Variants in LHFPL2 observed in about 807,000 individuals in gnomAD.
LHFPL2 encodes LHFPL tetraspan subfamily member 2 protein.
LHFPL2 carries 7 observed loss-of-function variants against 17.5 expected under a neutral mutation model. The observed-to-expected ratio is 0.40, with a 90% CI of 0.23 to 0.75. LHFPL2 has a LOEUF of 0.75. LHFPL2 is among the 30% of genes least tolerant of loss of function. The probability of loss-of-function intolerance (pLI) is 0.37; values close to 1 mark genes in which losing one functional copy is unlikely to be tolerated. For synonymous variants in LHFPL2, 134 were observed against 116.2 expected (o/e 1.15, Z -0.99); for missense variants, 241 against 294.8 (o/e 0.82, Z 1.34).
Position 78,510,013 on chromosome 5 carries a change from G to A in LHFPL2, c.201C>T (p.Cys67=). Residue 67 remains cysteine (C), a synonymous_variant, in exon 4 of 5, where the codon TGC becomes TGT. Coordinates refer to ENST00000380345, the MANE Select transcript of LHFPL2 (RefSeq NM_005779.3). ...YHPTLGIYAR[C]IRNPGVQHFQ... is the part of the protein sequence containing the mutation. Reference sequence around the variant, plus strand: ...AGTGCTGCACCCCTGGGTTCCGGATGCAGCGGGCGTAGATGCCCAGGGTGG... The same window carrying A: ...AGTGCTGCACCCCTGGGTTCCGGATACAGCGGGCGTAGATGCCCAGGGTGG... The A allele has an allele frequency of 6.2e-7, 1 of 1,612,796 alleles. No individual in the cohort carries two copies. The highest frequency in any genetic ancestry group is 8.5e-7 in the Non-Finnish European group (1 of 1,179,550).
intron 3 of LHFPL2, among the ~76,000 whole-genome samples, chr5:78,511,577 G>A (rs1755125699): frequency 6.6e-6 from 1 of 152,224 alleles, no homozygotes; most frequent in Non-Finnish European, 1.5e-5. Flanking sequence ...CATGAGAACT[G>A]CAAAGAGCCC....
intron 1 of LHFPL2, among the ~76,000 whole-genome samples, chr5:78,645,861 G>A (rs949210834): frequency 7.9e-5 from 12 of 152,184 alleles, no homozygotes; most frequent in Non-Finnish European, 7.3e-5. Context: ...GATTACAGGT[G>A]TGAGCCACTG....
At chr5:78,627,055 T>G (rs999615650) in intron 2 of LHFPL2, among the ~76,000 whole-genome samples, 2 of 151,748 alleles carry the variant, frequency 1.3e-5, no homozygotes, top group African/African-American at 4.9e-5. Context: ...CACTCCAGCC[T>G]GGGCAACGAG....
At chr5:78,606,365 T>C (rs1744212265) in intron 2 of LHFPL2, among the ~76,000 whole-genome samples, 1 of 152,206 alleles carries the variant, frequency 6.6e-6, no homozygotes, top group Non-Finnish European at 1.5e-5. Context: ...TCAGTGCTAT[T>C]TAATGTACAA....
intron 1 of LHFPL2, among the ~76,000 whole-genome samples, chr5:78,642,955 C>T (rs989617243): frequency 3.9e-4 from 59 of 152,292 alleles, no homozygotes; most frequent in African/African-American, 1.4e-3. Context: ...GTACTAGCCT[C>T]CCAGCTCACC....
In LHFPL2 at chr5:78,582,510, A is replaced by G. The variant is rs1347256621; in HGVS notation, c.-244-17639T>C. 5.7e-4 allele frequency among the ~76,000 whole-genome samples: 87 copies of G among 151,398 alleles called. No individual in the cohort carries two copies. In the Middle Eastern group the frequency reaches 0.01, roughly 18 times the overall value. ...GTCTTTGTTCTCGTTGGTTTCAAAG[A>G]ACATCTTTATTTGTGCCTTCATTTC... is the stretch of plus-strand genomic sequence containing the variant. On this transcript the variant is annotated intron_variant, in intron 2 of 4. Coordinates refer to ENST00000380345, the MANE Select transcript of LHFPL2 (RefSeq NM_005779.3).
At chr5:78,582,264 T>A (rs548269387) in intron 2 of LHFPL2, among the ~76,000 whole-genome samples, 1 of 151,922 alleles carries the variant, frequency 6.6e-6, no homozygotes, top group Non-Finnish European at 1.5e-5. Context: ...TTTTTGAAGG[T>A]TTTTTTGTGT....
At chr5:78,531,966 C>G (rs966903769) in intron 3 of LHFPL2, among the ~76,000 whole-genome samples, 3 of 151,628 alleles carry the variant, frequency 2.0e-5, no homozygotes, top group Non-Finnish European at 4.4e-5. Flanking sequence ...ACTCTGTCAC[C>G]CAGGCTGGAG....
At chr5:78,525,236 T>A (rs1755583339) in intron 3 of LHFPL2, among the ~76,000 whole-genome samples, 1 of 152,214 alleles carries the variant, frequency 6.6e-6, no homozygotes, top group Admixed American at 6.5e-5. Flanking sequence ...ATGCTGACTA[T>A]AGGACACACT....
At chr5:78,556,960 T>C (rs1200769560) in intron 3 of LHFPL2, among the ~76,000 whole-genome samples, 3 of 141,202 alleles carry the variant, frequency 2.1e-5, no homozygotes, top group African/African-American at 7.6e-5. Flanking sequence ...CTTCTGGCAA[T>C]CCTTTTTTTT....
chr5:78,528,270 G>A (rs888376189), intron 3 of LHFPL2, among the ~76,000 whole-genome samples: 1 of 152,138 alleles, frequency 6.6e-6, no homozygotes, highest in Non-Finnish European at 1.5e-5. Flanking sequence ...AACCAGTACC[G>A]GTCTGTGGCC....
At chr5:78,586,029 G>A (rs772723165) in intron 2 of LHFPL2, among the ~76,000 whole-genome samples, 1 of 152,190 alleles carries the variant, frequency 6.6e-6, no homozygotes, top group Non-Finnish European at 1.5e-5. Flanking sequence ...TAAAGGGCTT[G>A]AGGATGAGGA....
intron 3 of LHFPL2, among the ~76,000 whole-genome samples, chr5:78,553,128 TGAC>T (rs975771057): frequency 5.3e-5 from 8 of 152,268 alleles, no homozygotes; most frequent in Admixed American, 6.5e-5. Context: ...TTTCACAAGG[TGAC>T]CTCTCCTGCC....
intron 2 of LHFPL2, among the ~76,000 whole-genome samples, chr5:78,575,890 A>C (rs1430551719): frequency 6.6e-6 from 1 of 152,180 alleles, no homozygotes; most frequent in African/African-American, 2.4e-5. Flanking sequence ...TTCTAATTTA[A>C]ATTTGTAAAA....
chr5:78,497,114 A>G (rs1372491308), intron 4 of LHFPL2, among the ~76,000 whole-genome samples: 1 of 152,206 alleles, frequency 6.6e-6, no homozygotes, highest in African/African-American at 2.4e-5. Context: ...TGGGAGTTCA[A>G]TTCTTAGACA....
chr5:78,630,247 A>G (rs1180310835), intron 2 of LHFPL2, among the ~76,000 whole-genome samples: 5 of 152,166 alleles, frequency 3.3e-5, no homozygotes, highest in African/African-American at 4.8e-5. Flanking sequence ...ACTGCAGCTC[A>G]CTAGGAAGTG....
chr5:78,490,846 TAATC>T (rs988447493), intron 4 of LHFPL2, among the ~76,000 whole-genome samples: 24 of 151,882 alleles, frequency 1.6e-4, no homozygotes, highest in Admixed American at 1.1e-3. Flanking sequence ...TGCTGTATCA[TAATC>T]AAAGTTCCCA....
At chr5:78,538,372 G>A (rs1756011275) in intron 3 of LHFPL2, among the ~76,000 whole-genome samples, 1 of 152,114 alleles carries the variant, frequency 6.6e-6, no homozygotes, top group Non-Finnish European at 1.5e-5. Flanking sequence ...TTCAAAGATT[G>A]GAGAATAAAT....
intron 2 of LHFPL2, among the ~76,000 whole-genome samples, chr5:78,588,548 T>C (rs1743516908): frequency 6.6e-6 from 1 of 152,198 alleles, no homozygotes; most frequent in African/African-American, 2.4e-5. Flanking sequence ...TTTTTTTTAA[T>C]GAGAAACAAA....
Sources: gnomAD v4.1 joint callset for allele counts (sites outside exome capture counted in the v4.1 genomes callset) on GRCh38, gnomAD v4.1.1 for gene constraint, MANE v1.5 for transcripts, NCBI Gene and HGNC (gene_info 2026-07-23, HGNC 2026-07-21) for gene names.